The following INSYN2B variants were observed in gnomAD, a reference collection of about 807,000 sequenced individuals.
INSYN2B encodes protein INSYN2B.
Under a neutral mutation model 41.2 loss-of-function variants are expected in INSYN2B, and 16 were observed. The ratio of observed to expected loss-of-function variants is 0.39; its 90% CI spans 0.26 to 0.59. The LOEUF (loss-of-function observed/expected upper bound fraction) is 0.59. Among genes scored for constraint, INSYN2B ranks in the 20% least tolerant of loss-of-function variants. The pLI, the probability that INSYN2B is intolerant of heterozygous loss-of-function variation, is 0.57. For synonymous variants in INSYN2B, 245 were observed against 244.4 expected, an observed-to-expected ratio of 1.00 and a Z score of -0.02; for missense variants, 608 against 646.4, an observed-to-expected ratio of 0.94 and a Z score of 0.64.
At chr5:169,977,094 A>G (rs1777742821) in intron 1 of INSYN2B, among the ~76,000 whole-genome samples, 1 of 152,234 alleles carries the variant, frequency 6.6e-6, no homozygotes, top group Non-Finnish European at 1.5e-5. Flanking sequence ...CGATGAAGAC[A>G]GTTATTTTTC....
chr5:169,973,064 C>T (rs17646884), intron 1 of INSYN2B, among the ~76,000 whole-genome samples: 37,981 of 152,094 alleles, frequency 0.25, 5,113 homozygotes, highest in Non-Finnish European at 0.3. Flanking sequence ...GAGACCTTCA[C>T]TCCTCTTCAC....
chr5:169,935,156 T>C (rs921160649), intron 1 of INSYN2B, among the ~76,000 whole-genome samples: 1 of 152,190 alleles, frequency 6.6e-6, no homozygotes, highest in African/African-American at 2.4e-5. Flanking sequence ...GCCCTCTTAA[T>C]TGGAGGGAGC....
chr5:169,938,494 T>C (rs961769312), intron 1 of INSYN2B, among the ~76,000 whole-genome samples: 2 of 152,166 alleles, frequency 1.3e-5, no homozygotes, highest in Non-Finnish European at 2.9e-5. Flanking sequence ...TAGAACACAT[T>C]GGTAAATGTA....
At position 169,882,960 on chromosome 5, in the gene INSYN2B, T is replaced by G; in HGVS notation, c.939A>C (p.Ser313=). 1 of 1,551,698 alleles carries G rather than the reference T, an allele frequency of 6.4e-7. No individual in the cohort carries two copies. Residue 313 remains serine (S), a synonymous_variant, in exon 2 of 4, where the codon TCA becomes TCC. Coordinates refer to ENST00000377365, the MANE Select transcript of INSYN2B (RefSeq NM_001129891.3). The part of the protein sequence containing the change: ...PSSPRTHSSP[S]QGSHSQPAHP... ...GGGCTGGCTGGCTGTGGGAGCCTTG[T>G]GAGGGGGAACTGTGAGTCCGTGGAG...
intron 1 of INSYN2B, among the ~76,000 whole-genome samples, chr5:169,900,996 C>A (rs1450372683): frequency 2.6e-5 from 4 of 152,088 alleles, no homozygotes; most frequent in African/African-American, 9.7e-5. Context: ...GTAGGAAAGG[C>A]TGATATTAAG....
intron 1 of INSYN2B, among the ~76,000 whole-genome samples, chr5:169,914,271 C>T (rs897608409): frequency 2.6e-5 from 4 of 152,186 alleles, no homozygotes; most frequent in South Asian, 2.1e-4. Flanking sequence ...AAACTCAATT[C>T]ACCTTACCCC....
At chr5:169,948,102 C>T (rs774059032) in intron 1 of INSYN2B, among the ~76,000 whole-genome samples, 1 of 151,898 alleles carries the variant, frequency 6.6e-6, no homozygotes, top group Non-Finnish European at 1.5e-5. Flanking sequence ...CCATTCGGTA[C>T]ACACCCTCTT....
intron 3 of INSYN2B, among the ~76,000 whole-genome samples, chr5:169,865,764 G>T (rs1049585475): frequency 1.3e-5 from 2 of 152,196 alleles, no homozygotes; most frequent in African/African-American, 4.8e-5. Flanking sequence ...ATGAAATGTT[G>T]CATCTGGGAG....
chr5:169,907,684 C>T (rs1774362513), intron 1 of INSYN2B, among the ~76,000 whole-genome samples: 1 of 152,174 alleles, frequency 6.6e-6, no homozygotes, highest in Non-Finnish European at 1.5e-5. Context: ...GATCACACAG[C>T]TGGAAAATGG....
Position 169,862,665 on chromosome 5 carries a change from A to G in INSYN2B, c.*1608T>C, listed in dbSNP as rs893711038. 2.0e-5 allele frequency among the ~76,000 whole-genome samples: 3 copies of G among 152,274 alleles called. No individual in the cohort carries two copies. Among genetic ancestry groups the G allele is most frequent in the African/African-American group, 7.2e-5 (3 of 41,472 alleles). On this transcript the variant is annotated 3_prime_UTR_variant, in exon 4 of 4. Coordinates refer to ENST00000377365, the MANE Select transcript of INSYN2B (RefSeq NM_001129891.3). The stretch of plus-strand genomic sequence containing the variant: ...ATTACACTAGAAACAGAACAAGAAC[A>G]TCTTGAATGACATTCCAAGACTTAA...
chr5:169,974,217 C>T (rs1177979897), intron 1 of INSYN2B, among the ~76,000 whole-genome samples: 2 of 152,186 alleles, frequency 1.3e-5, no homozygotes, highest in African/African-American at 2.4e-5. Context: ...GTATTACCAA[C>T]ATCTACTGAA....
At chr5:169,961,227 C>T (rs1395972903) in intron 1 of INSYN2B, among the ~76,000 whole-genome samples, 2 of 152,234 alleles carry the variant, frequency 1.3e-5, no homozygotes, top group Non-Finnish European at 2.9e-5. Context: ...GGATCATCAT[C>T]ATCTCTAACA....
At position 169,866,218 on chromosome 5, in the gene INSYN2B, G is replaced by A. The variant is rs140740204; in HGVS notation, c.1422-1759C>T. Among the ~76,000 whole-genome samples, 361 of 152,300 alleles carry A rather than the reference G, an allele frequency of 2.4e-3. 3 individuals are homozygous for A. Among genetic ancestry groups the A allele is most frequent in the African/African-American group, 8.3e-3 (347 of 41,562 alleles). Reference sequence around the variant, plus strand: ...AGGCTTGCTTCTCCTCCACTTACATGCCTTCTCTTTCTGTTCTCTCTGGCC... The same window carrying A: ...AGGCTTGCTTCTCCTCCACTTACATACCTTCTCTTTCTGTTCTCTCTGGCC... On this transcript the variant is annotated intron_variant, in intron 3 of 3. Transcript: ENST00000377365.
chr5:169,916,879 G>T (rs942148364), intron 1 of INSYN2B, among the ~76,000 whole-genome samples: 1 of 152,142 alleles, frequency 6.6e-6, no homozygotes, highest in East Asian at 1.9e-4. Flanking sequence ...TAAGTAATGG[G>T]GCCTAGATTT....
intron 1 of INSYN2B, among the ~76,000 whole-genome samples, chr5:169,909,923 C>T (rs947553316): frequency 1.8e-4 from 27 of 152,236 alleles, no homozygotes; most frequent in Admixed American, 8.5e-4. Context: ...TTCTCAGTCC[C>T]ACAATTGACC....
chr5:169,882,780 A>C lies in INSYN2B; in HGVS notation c.1119T>G (p.Cys373Trp). The C allele has an allele frequency of 6.4e-7, 1 of 1,551,474 alleles. No individual in the cohort carries two copies. The highest frequency in any genetic ancestry group is 1.2e-5 in the South Asian group (1 of 84,006). Reference sequence around the variant, plus strand: ...AGGATGGGAGATGATTACTTCCTGGACAATTTGGAAACTCCAGTGTGTCTG... The same window carrying C: ...AGGATGGGAGATGATTACTTCCTGGCCAATTTGGAAACTCCAGTGTGTCTG... ...TESDTLEFPN[C>W]PGSNHLPSSL... Residue 373 changes from cysteine (C) to tryptophan (W), a missense_variant, in exon 2 of 4, where the codon TGT (cysteine) becomes TGG (tryptophan). Physicochemically the swap from Cys to Trp is radical, Grantham distance 215 (BLOSUM62 -2). Coordinates refer to ENST00000377365, the MANE Select transcript of INSYN2B (RefSeq NM_001129891.3).
chr5:169,893,478 C>CT (rs1299036311), intron 1 of INSYN2B, among the ~76,000 whole-genome samples: 1 of 86,612 alleles, frequency 1.2e-5, no homozygotes, highest in African/African-American at 5.8e-5. Flanking sequence ...ATTTTCTTAC[C>CT]CTTTTTTTTT....
chr5:169,960,238 G>A (rs1777031302), intron 1 of INSYN2B, among the ~76,000 whole-genome samples: 1 of 152,176 alleles, frequency 6.6e-6, no homozygotes, highest in Non-Finnish European at 1.5e-5. Context: ...AGCTGTGTAT[G>A]CCTTCCATGT....
At chr5:169,959,836 A>C (rs1777011961) in intron 1 of INSYN2B, among the ~76,000 whole-genome samples, 3 of 152,216 alleles carry the variant, frequency 2.0e-5, no homozygotes, top group Admixed American at 6.5e-5. Flanking sequence ...CAAAATAGGA[A>C]ATACAACAAT....
Sources: gnomAD v4.1 joint callset for allele counts (sites outside exome capture counted in the v4.1 genomes callset) on GRCh38, gnomAD v4.1.1 for gene constraint, MANE v1.5 for transcripts, NCBI Gene and HGNC (gene_info 2026-07-23, HGNC 2026-07-21) for gene names.